The following GPC6 variants were observed in gnomAD, a reference collection of about 807,000 sequenced individuals.
The protein encoded by GPC6 is glypican 6.
In GPC6, 14 loss-of-function variants were observed where a neutral mutation model predicts 55.2. The observed-to-expected ratio is 0.25, with a 90% CI of 0.17 to 0.40. The LOEUF is 0.40. Ranked by LOEUF, GPC6 falls within the 10% of genes least tolerant of loss-of-function variation. The probability of loss-of-function intolerance (pLI) is 1.00; values close to 1 mark genes in which losing one functional copy is unlikely to be tolerated. For missense variants in GPC6, 641 were observed against 708.5 expected, an observed-to-expected ratio of 0.90 and a Z score of 1.08; for synonymous variants, 278 against 259.6, an observed-to-expected ratio of 1.07 and a Z score of -0.68.
Position 93,283,647 on chromosome 13 carries a change from C to A in GPC6, c.160+56031C>A, listed in dbSNP as rs547401787. 2.6e-5 allele frequency among the ~76,000 whole-genome samples: 4 copies of A among 152,338 alleles called. No individual in the cohort carries two copies. The South Asian group carries it at 8.3e-4, about 32-fold the overall frequency. ...ACAGTTTGGTGAATGTGAGAAATTA[C>A]ATGTGCGGTCTCTGTTTAGTTACAC... On this transcript the variant is annotated intron_variant, in intron 1 of 8. Transcript: ENST00000377047.
intron 1 of GPC6, among the ~76,000 whole-genome samples, chr13:93,526,531 A>G (rs2139407111): frequency 6.6e-6 from 1 of 152,222 alleles, no homozygotes; most frequent in East Asian, 1.9e-4. Flanking sequence ...AATTGCCTGC[A>G]CATATCCTTA....
intron 4 of GPC6, among the ~76,000 whole-genome samples, chr13:94,059,156 A>G (rs1401390920): frequency 6.6e-6 from 1 of 151,836 alleles, no homozygotes; most frequent in African/African-American, 2.4e-5. Flanking sequence ...AGGCATTAAC[A>G]TGTTGTTCAT....
intron 3 of GPC6, among the ~76,000 whole-genome samples, chr13:94,022,735 C>T (rs1435288264): frequency 6.6e-6 from 1 of 152,044 alleles, no homozygotes; most frequent in Non-Finnish European, 1.5e-5. Flanking sequence ...TTTTTCTCCA[C>T]ACCCTTGCCA....
intron 1 of GPC6, among the ~76,000 whole-genome samples, chr13:93,350,046 T>C (rs1880576008): frequency 6.6e-6 from 1 of 152,240 alleles, no homozygotes; most frequent in Non-Finnish European, 1.5e-5. Context: ...ACAGTACTTA[T>C]TCTATTTGTC....
At chr13:93,777,430 G>A (rs1885507040) in intron 2 of GPC6, among the ~76,000 whole-genome samples, 1 of 152,130 alleles carries the variant, frequency 6.6e-6, no homozygotes, top group South Asian at 2.1e-4. Context: ...ATTCCAGTGT[G>A]CTCTGACACT....
chr13:93,818,711 G>T (rs970999872), intron 2 of GPC6: 2 of 152,202 alleles, frequency 1.3e-5, no homozygotes, highest in Non-Finnish European at 2.9e-5. Flanking sequence ...AGCACTGCTA[G>T]TGTTCCTCAC....
At chr13:94,271,259 G>A (rs965594963) in intron 4 of GPC6, among the ~76,000 whole-genome samples, 4 of 151,810 alleles carry the variant, frequency 2.6e-5, no homozygotes, top group South Asian at 2.1e-4. Context: ...CCAAAATGCT[G>A]GGATTACAGG....
At chr13:93,659,950 A>G (rs1880852910) in intron 2 of GPC6, among the ~76,000 whole-genome samples, 1 of 152,126 alleles carries the variant, frequency 6.6e-6, no homozygotes, top group Non-Finnish European at 1.5e-5. Context: ...ATTAACATTG[A>G]CAATGTGAGA....
At chr13:93,319,629 C>T (rs1879364040) in intron 1 of GPC6, among the ~76,000 whole-genome samples, 1 of 152,066 alleles carries the variant, frequency 6.6e-6, no homozygotes, top group South Asian at 2.1e-4. Flanking sequence ...ATCCAGCTTA[C>T]ACTGTTTTCA....
intron 1 of GPC6, among the ~76,000 whole-genome samples, chr13:93,237,398 C>T (rs1380668211): frequency 6.6e-6 from 1 of 152,038 alleles, no homozygotes; most frequent in African/African-American, 2.4e-5. Flanking sequence ...ATGTCATTTA[C>T]ACACTTTTTA....
intron 2 of GPC6, among the ~76,000 whole-genome samples, chr13:93,573,999 C>A (rs1372381057): frequency 6.6e-6 from 1 of 151,982 alleles, no homozygotes; most frequent in Non-Finnish European, 1.5e-5. Flanking sequence ...ACCCGATTGC[C>A]AATAATGCTG....
chr13:93,630,734 G>A (rs975332281), intron 2 of GPC6, among the ~76,000 whole-genome samples: 1 of 152,026 alleles, frequency 6.6e-6, no homozygotes, highest in African/African-American at 2.4e-5. Context: ...ATAAAATACA[G>A]TATACTTTTA....
intron 4 of GPC6, among the ~76,000 whole-genome samples, chr13:94,135,205 T>G (rs1428273660): frequency 6.6e-6 from 1 of 150,864 alleles, no homozygotes; most frequent in African/African-American, 2.4e-5. Context: ...AGACATGGGC[T>G]ACCGGAGCTG....
At chr13:93,891,930 A>T (rs562366820) in intron 3 of GPC6, among the ~76,000 whole-genome samples, 3 of 151,816 alleles carry the variant, frequency 2.0e-5, no homozygotes, top group African/African-American at 7.3e-5. Flanking sequence ...GAGTGTGAGT[A>T]TATAGTGTAT....
chr13:93,651,253 T>C (rs1031110333), intron 2 of GPC6, among the ~76,000 whole-genome samples: 1 of 126,384 alleles, frequency 7.9e-6, no homozygotes, highest in Non-Finnish European at 1.7e-5. Context: ...AATCTACCTA[T>C]TTTTTTTTTT....
intron 1 of GPC6, among the ~76,000 whole-genome samples, chr13:93,420,712 A>ATACT (rs1397586706): frequency 1.4e-4 from 22 of 152,210 alleles, no homozygotes; most frequent in Non-Finnish European, 3.2e-4. Context: ...TGAGCAAAAT[A>ATACT]TACTGGTTCA....
intron 6 of GPC6, among the ~76,000 whole-genome samples, chr13:94,337,751 G>T (rs1877793445): frequency 6.6e-6 from 1 of 152,084 alleles, no homozygotes; most frequent in Non-Finnish European, 1.5e-5. Flanking sequence ...TACTTAAAAA[G>T]GTAGTTAGCT....
chr13:93,699,167 G>A (rs966035174), intron 2 of GPC6, among the ~76,000 whole-genome samples: 1 of 152,100 alleles, frequency 6.6e-6, no homozygotes, highest in African/African-American at 2.4e-5. Context: ...TCCTATGCAT[G>A]AGAAACTACT....
At chr13:94,286,274 T>C in intron 4 of GPC6, 75 bp from the exon 5 acceptor site, 2 of 1,489,118 alleles carry the variant, frequency 1.3e-6, no homozygotes, top group African/African-American at 1.4e-5. Flanking sequence ...CCAGTTGTTT[T>C]AACAATGTTT....
Sources: allele counts gnomAD v4.1 joint callset (sites outside exome capture counted in the v4.1 genomes callset), GRCh38; gene constraint gnomAD v4.1.1; transcripts MANE v1.5; gene names NCBI Gene and HGNC (gene_info 2026-07-23, HGNC 2026-07-21).